The following NRDE2 variants were observed in gnomAD, a reference collection of about 807,000 sequenced individuals.
The protein encoded by NRDE2 is nuclear exosome regulator NRDE2.
In NRDE2, 76 loss-of-function variants were observed where a neutral mutation model predicts 124.2. The ratio of observed to expected loss-of-function variants is 0.61; its 90% CI spans 0.51 to 0.74. The LOEUF is 0.74. NRDE2 is among the 30% of genes least tolerant of loss of function. NRDE2 has a pLI of 0.00. For synonymous variants in NRDE2, 489 were observed against 528.1 expected (o/e 0.93, Z 1.01); for missense variants, 1,314 against 1,417.3 (o/e 0.93, Z 1.17).
rs1891597288 is a variant in NRDE2, at chr14:90,269,216, C to T, written c.*9120G>A. 3.4e-6 allele frequency: 2 copies of T among 594,088 alleles called. No individual in the cohort carries two copies. Among genetic ancestry groups the T allele is most frequent in the Non-Finnish European group, 5.9e-6 (2 of 341,378 alleles). 36.8% of individuals were successfully genotyped at this position (594,088 alleles called of 1,614,324 possible). A position where few individuals can be genotyped will look rare whatever the true frequency, so the allele number is the denominator to read the frequency against. Reference sequence around the variant, plus strand: ...TTCAACACATAAATTTGGGGAAATACATTCAGACCATGGCAAGGGGTGCTG... The same window carrying T: ...TTCAACACATAAATTTGGGGAAATATATTCAGACCATGGCAAGGGGTGCTG... On this transcript the variant is annotated 3_prime_UTR_variant, in exon 14 of 14. Coordinates refer to ENST00000354366, the MANE Select transcript of NRDE2 (RefSeq NM_017970.4).
chr14:90,268,559 T>C lies in NRDE2; in HGVS notation c.*9777A>G. On this transcript the variant is annotated 3_prime_UTR_variant, in exon 14 of 14. Transcript: ENST00000354366. ...TCCATGCATGCTTTAGGCTCTGCTC[T>C]CCCAGGAGCCAGCTAACAACTGCCC... 1.4e-6 allele frequency: 1 copy of C among 736,346 alleles called. No individual in the cohort carries two copies. The allele number at this position is 736,346 out of a possible 1,614,324, so 45.6% of individuals were successfully genotyped here. A position where few individuals can be genotyped will look rare whatever the true frequency, so the allele number is the denominator to read the frequency against.
rs750076079 is a variant in NRDE2 at position 90,312,428 on chromosome 14, C to G, written c.523G>C (p.Glu175Gln). The G allele has an allele frequency of 1.9e-6, 3 of 1,613,864 alleles. No homozygotes were observed. In the African/African-American group the frequency reaches 4.0e-5, roughly 22 times the overall value. Residue 175 changes from glutamate to glutamine, a missense_variant, in exon 4 of 14, where the codon GAG becomes CAG. By Grantham distance (29) the Glu-to-Gln change is conservative. Transcript: ENST00000354366. ...TCCCCTCGGTAGAGAGACTTGTACT[C>G]CCAGTTCGCAGGATCTGGTTTCTTA... ...TDKKPDPANW[E>Q]YKSLYRGDIA...
In NRDE2 at chr14:90,269,751, C is replaced by A; in HGVS notation, c.*8585G>T. The A allele has an allele frequency of 2.1e-6, 1 of 480,056 alleles. No homozygotes were observed. Among genetic ancestry groups the A allele is most frequent in the Non-Finnish European group, 3.6e-6 (1 of 279,878 alleles). The allele number at this position is 480,056 out of a possible 1,614,324, so 29.7% of individuals were successfully genotyped here. On this transcript the variant is annotated 3_prime_UTR_variant, in exon 14 of 14. Transcript: ENST00000354366. ...TCTGTGCACCTTGGCCCTTTGAATT[C>A]CAGTCTTATGTCTTGTCTTTTCTTT...
intron 8 of NRDE2, among the ~76,000 whole-genome samples, chr14:90,296,911 G>C (rs1291430039): frequency 1.3e-5 from 2 of 152,052 alleles, no homozygotes; most frequent in Non-Finnish European, 2.9e-5. Flanking sequence ...GGTAGAGGTG[G>C]GCGGATTACT....
chr14:90,327,251 T>C (rs1014361313), intron 1 of NRDE2, among the ~76,000 whole-genome samples: 1 of 152,168 alleles, frequency 6.6e-6, no homozygotes, highest in Non-Finnish European at 1.5e-5. Flanking sequence ...AGCTATTAAA[T>C]AAAGATGATT....
rs77690325 is a variant in NRDE2 at position 90,321,922 on chromosome 14, G to A, written c.65-3809C>T. On this transcript the variant is annotated intron_variant, in intron 1 of 13. Coordinates refer to ENST00000354366, the MANE Select transcript of NRDE2 (RefSeq NM_017970.4). ...TCTAGTTGGGAGTTCAGAGGGAGGG[G>A]CTGGGTCTGAGATGGCTCTTCAGAG... Among the ~76,000 whole-genome samples the A allele has an allele frequency of 8.3e-3, 1,257 of 152,218 alleles. 22 individuals are homozygous for A. The highest frequency in any genetic ancestry group is 0.029 in the African/African-American group (1,219 of 41,506).
In NRDE2 at chr14:90,278,023, C is replaced by T. The variant is rs1595051072; in HGVS notation, c.*313G>A. The T allele has an allele frequency of 4.3e-6, 1 of 232,698 alleles. No homozygotes were observed. Among genetic ancestry groups the T allele is most frequent in the Non-Finnish European group, 8.8e-6 (1 of 113,762 alleles). 14.4% of individuals were successfully genotyped at this position (232,698 alleles called of 1,614,324 possible). A position where few individuals can be genotyped will look rare whatever the true frequency, so the allele number is the denominator to read the frequency against. On this transcript the variant is annotated 3_prime_UTR_variant, in exon 14 of 14. Coordinates refer to ENST00000354366, the MANE Select transcript of NRDE2 (RefSeq NM_017970.4). ...ACCGTGCGGGGGCCAGTGCTGGCTGCGCACAGGGAGAGAATGAGCAAGGAC... is the reference window on the plus strand; with the variant it reads ...ACCGTGCGGGGGCCAGTGCTGGCTGTGCACAGGGAGAGAATGAGCAAGGAC...
intron 8 of NRDE2, among the ~76,000 whole-genome samples, chr14:90,293,608 A>G (rs886177251): frequency 1.4e-4 from 21 of 152,212 alleles, no homozygotes; most frequent in African/African-American, 5.1e-4. Flanking sequence ...TTACTGTATT[A>G]GACAACACAG....
Position 90,320,579 on chromosome 14 carries a change from T to C in NRDE2, c.65-2466A>G, listed in dbSNP as rs1885207693. Among the ~76,000 whole-genome samples the C allele has an allele frequency of 3.3e-5, 5 of 152,228 alleles. No individual in the cohort carries two copies. The South Asian group carries it at 1.0e-3, about 31-fold the overall frequency. ...AGTATGGAGGAGATACCATAATGTA[T>C]GCTTCCTGACAACAGGTACTGTTTT... On this transcript the variant is annotated intron_variant, in intron 1 of 13. Transcript: ENST00000354366.
intron 4 of NRDE2, among the ~76,000 whole-genome samples, chr14:90,310,633 G>A (rs1419312872): frequency 6.6e-6 from 1 of 151,296 alleles, no homozygotes; most frequent in Non-Finnish European, 1.5e-5. Flanking sequence ...CAATCATCCT[G>A]CCTCACTCCC....
intron 1 of NRDE2, among the ~76,000 whole-genome samples, chr14:90,326,488 G>A (rs1249805427): frequency 7.3e-6 from 1 of 137,246 alleles, no homozygotes; most frequent in African/African-American, 2.8e-5. Context: ...GCGACAGAGC[G>A]AGACTCTGTC....
chr14:90,318,340 G>A (rs1885122936), intron 1 of NRDE2, among the ~76,000 whole-genome samples: 1 of 152,118 alleles, frequency 6.6e-6, no homozygotes, highest in African/African-American at 2.4e-5. Flanking sequence ...AAATCCTTCC[G>A]TGATATCAAA....
In NRDE2 at chr14:90,274,838, A is replaced by ACACACACACACACACACC. The variant is rs1491397403; in HGVS notation, c.*3497_*3498insGGTGTGTGTGTGTGTGTG. 3 of 67,186 alleles carry ACACACACACACACACACC rather than the reference A, an allele frequency of 4.5e-5. No homozygotes were observed. The highest frequency in any genetic ancestry group is 1.8e-4 in the African/African-American group (3 of 16,314). The allele number at this position is 67,186 out of a possible 1,614,324, so 4.2% of individuals were successfully genotyped here. A position where few individuals can be genotyped will look rare whatever the true frequency, so the allele number is the denominator to read the frequency against. On this transcript the variant is annotated 3_prime_UTR_variant, in exon 14 of 14. Coordinates refer to ENST00000354366, the MANE Select transcript of NRDE2 (RefSeq NM_017970.4). ...CACACACACACACACACACACACAC[A>ACACACACACACACACACC]CCCCAATACATATGAATTGATCTGA... is the stretch of plus-strand genomic sequence containing the variant.
chr14:90,318,939 T>C (rs1413142359), intron 1 of NRDE2, among the ~76,000 whole-genome samples: 4 of 152,230 alleles, frequency 2.6e-5, no homozygotes, highest in African/African-American at 7.2e-5. Context: ...CTTTTCCTTA[T>C]AATAGTACTC....
Position 90,268,336 on chromosome 14 carries a change from G to A in NRDE2, c.*10000C>T, listed in dbSNP as rs772447035. On this transcript the variant is annotated 3_prime_UTR_variant, in exon 14 of 14. Transcript: ENST00000354366. ...TAGGTGATGGGCCCAAACTCGTACG[G>A]GAATTGTTCCGAGTTGCTGAAGAAC... 2.5e-6 allele frequency: 4 copies of A among 1,613,566 alleles called. No individual in the cohort carries two copies. The South Asian group carries it at 3.3e-5, about 13-fold the overall frequency.
chr14:90,289,693 T>C (rs1011764534), intron 10 of NRDE2, among the ~76,000 whole-genome samples: 1 of 152,256 alleles, frequency 6.6e-6, no homozygotes, highest in Non-Finnish European at 1.5e-5. Flanking sequence ...GTTCAAGCGA[T>C]TCTCCTGCCT....
At chr14:90,301,462 G>A in intron 6 of NRDE2, 90 bp from the exon 7 acceptor site, 2 of 1,217,848 alleles carry the variant, frequency 1.6e-6, no homozygotes, top group Non-Finnish European at 2.3e-6. Flanking sequence ...TTAACACATT[G>A]AGAACACCTT....
In NRDE2 at chr14:90,298,202, T is replaced by G. The variant is rs1014269372; in HGVS notation, c.1666+58A>C. The G allele has an allele frequency of 2.5e-6, 4 of 1,575,172 alleles. No individual in the cohort carries two copies. In the African/African-American group the frequency reaches 5.4e-5, roughly 21 times the overall value. ...TTAAGCAGATAAATAATCATGAGGA[T>G]GTAAAAACAAATTCCAGAAGAAACA... On this transcript the variant is annotated intron_variant, in intron 8 of 13. Coordinates refer to ENST00000354366, the MANE Select transcript of NRDE2 (RefSeq NM_017970.4).
In NRDE2 at chr14:90,269,735, C is replaced by T; in HGVS notation, c.*8601G>A. On this transcript the variant is annotated 3_prime_UTR_variant, in exon 14 of 14. Coordinates refer to ENST00000354366, the MANE Select transcript of NRDE2 (RefSeq NM_017970.4). ...ACAGAGCATGATATGGTCTGTGCAC[C>T]TTGGCCCTTTGAATTCCAGTCTTAT... The T allele has an allele frequency of 1.9e-6, 1 of 530,350 alleles. No individual in the cohort carries two copies. The highest frequency in any genetic ancestry group is 3.9e-5 in the South Asian group (1 of 25,438). 32.9% of individuals were successfully genotyped at this position (530,350 alleles called of 1,614,324 possible). A position where few individuals can be genotyped will look rare whatever the true frequency, so the allele number is the denominator to read the frequency against.
Sources: gnomAD v4.1 joint callset for allele counts (sites outside exome capture counted in the v4.1 genomes callset) on GRCh38, gnomAD v4.1.1 for gene constraint, MANE v1.5 for transcripts, NCBI Gene and HGNC (gene_info 2026-07-23, HGNC 2026-07-21) for gene names.